SUPT5H: variants seen among roughly 807,000 people sequenced by gnomAD.
The protein encoded by SUPT5H is transcription elongation factor SPT5.
SUPT5H carries 24 observed loss-of-function variants against 142.5 expected under a neutral mutation model. The observed-to-expected ratio is 0.17, with a 90% CI of 0.12 to 0.24. SUPT5H has a LOEUF of 0.24. Ranked by LOEUF, SUPT5H falls within the 10% of genes least tolerant of loss-of-function variation. The pLI is 1.00. For synonymous variants in SUPT5H, 546 were observed against 553.0 expected, an observed-to-expected ratio of 0.99 and a Z score of 0.18; for missense variants, 893 against 1,471.8, an observed-to-expected ratio of 0.61 and a Z score of 6.43.
At position 39,457,746 on chromosome 19, in the gene SUPT5H, T is replaced by C. The variant is rs1452945926; in HGVS notation, c.307+6T>C. 1 of 1,613,972 alleles carries C rather than the reference T, an allele frequency of 6.2e-7. No individual in the cohort carries two copies. Among genetic ancestry groups the C allele is most frequent in the Non-Finnish European group, 8.5e-7 (1 of 1,180,008 alleles). ...AGAGGACATTCTAGAGAAAGGTGTGTGTGAGCCCTGCCTCCACAAGACTAC... is the reference window on the plus strand; with the variant it reads ...AGAGGACATTCTAGAGAAAGGTGTGCGTGAGCCCTGCCTCCACAAGACTAC... On this transcript the variant is annotated splice_donor_region_variant and intron_variant, in intron 4 of 29. Transcript: ENST00000432763.
At chr19:39,475,689 T>A (rs983405519) in intron 28 of SUPT5H, among the ~76,000 whole-genome samples, 3 of 151,964 alleles carry the variant, frequency 2.0e-5, no homozygotes, top group African/African-American at 7.3e-5. Context: ...GCCTCAGAGC[T>A]AGGGGCTTGT....
At position 39,470,587 on chromosome 19, in the gene SUPT5H, C is replaced by T; in HGVS notation, c.1677+64C>T. 2.1e-6 allele frequency: 3 copies of T among 1,451,676 alleles called. No individual in the cohort carries two copies. The highest frequency in any genetic ancestry group is 3.1e-5 in the South Asian group (2 of 65,130). The allele number at this position is 1,451,676 out of a possible 1,614,324, so 89.9% of individuals were successfully genotyped here. ...GGAGGCTTCCTGTCCCTCAACCCCT[C>T]ATCCTGGGAGGTGGCAGAGCCCCCA... On this transcript the variant is annotated intron_variant, in intron 18 of 29. Transcript: ENST00000432763. This position sits in a 1 kb window ranked among gnomAD's most constrained non-coding sequence, Gnocchi z 5.8.
At position 39,469,546 on chromosome 19, in the gene SUPT5H, C is replaced by T; in HGVS notation, c.1374+148C>T. On this transcript the variant is annotated intron_variant, in intron 16 of 29. Transcript: ENST00000432763. This position sits in a 1 kb window ranked among gnomAD's most constrained non-coding sequence, Gnocchi z 5.1. ...CTAGCATTCTCAGGTGCCTGAGAGGCTCTGTCTGAGTGCAGCTCAGGGTCG... is the reference window on the plus strand; with the variant it reads ...CTAGCATTCTCAGGTGCCTGAGAGGTTCTGTCTGAGTGCAGCTCAGGGTCG... 8.4e-7 allele frequency: 1 copy of T among 1,186,694 alleles called. No homozygotes were observed. Among genetic ancestry groups the T allele is most frequent in the Non-Finnish European group, 1.2e-6 (1 of 844,584 alleles). The allele number at this position is 1,186,694 out of a possible 1,614,324, so 73.5% of individuals were successfully genotyped here. A position where few individuals can be genotyped will look rare whatever the true frequency, so the allele number is the denominator to read the frequency against.
rs1487154880 is a variant in SUPT5H at position 39,449,882 on chromosome 19, C to T, written c.76-3474C>T. Among the ~76,000 whole-genome samples, 11 of 151,206 alleles carry T rather than the reference C, an allele frequency of 7.3e-5. No homozygotes were observed. In the South Asian group the frequency reaches 1.0e-3, roughly 14 times the overall value. On this transcript the variant is annotated intron_variant, in intron 2 of 29. Coordinates refer to ENST00000432763, the MANE Select transcript of SUPT5H (RefSeq NM_001111020.3). ...CTCAGAACTCCTGACCTCAAGTGAT[C>T]GCCTACCTCGGCCTCCCAAAGTGCT...
In SUPT5H at chr19:39,472,818, G is replaced by C. The variant is rs143117789; in HGVS notation, c.2044G>C (p.Gly682Arg). 1 of 1,612,756 alleles carries C rather than the reference G, an allele frequency of 6.2e-7. No homozygotes were observed. Among genetic ancestry groups the C allele is most frequent in the Non-Finnish European group, 8.5e-7 (1 of 1,179,310 alleles). Residue 682 changes from glycine (G) to arginine (R), a missense_variant, in exon 22 of 30, where the codon GGC becomes CGC. This residue lies in a region of SUPT5H where 35 missense variants were observed against 29.7 expected (regional missense o/e 1.18). Coordinates refer to ENST00000432763, the MANE Select transcript of SUPT5H (RefSeq NM_001111020.3). The surrounding 1 kb of genome is among the most constrained non-coding windows in gnomAD (Gnocchi z 4.2). Reference sequence around the variant, plus strand: ...TTCTCCCCAATCCCCAGGTCAGCGTGGCGGCTTTGGTAGCCCAGGTGGCGG... The same window carrying C: ...TTCTCCCCAATCCCCAGGTCAGCGTCGCGGCTTTGGTAGCCCAGGTGGCGG... ...PMHPSAGGQR[G>R]GFGSPGGGSG...
intron 28 of SUPT5H, chr19:39,475,351 C>A (rs951953308): frequency 6.7e-6 from 1 of 148,728 alleles, no homozygotes; most frequent in Admixed American, 6.7e-5. Flanking sequence ...GAGCCGAGAT[C>A]GTGCCACTGC....
intron 13 of SUPT5H, chr19:39,467,793 C>G (rs2079262825): frequency 6.6e-6 from 1 of 152,208 alleles, no homozygotes; most frequent in Admixed American, 6.5e-5. Context: ...TTCAGCCAGT[C>G]AGGTTTTCCT....
At position 39,458,253 on chromosome 19, in the gene SUPT5H, CCA is replaced by C; in HGVS notation, c.308-39_308-38del. 1 of 1,482,116 alleles carries C rather than the reference CCA, an allele frequency of 6.7e-7. No homozygotes were observed. Among genetic ancestry groups the C allele is most frequent in the Non-Finnish European group, 9.2e-7 (1 of 1,084,228 alleles). The allele number at this position is 1,482,116 out of a possible 1,614,324, so 91.8% of individuals were successfully genotyped here. A position where few individuals can be genotyped will look rare whatever the true frequency, so the allele number is the denominator to read the frequency against. On this transcript the variant is annotated intron_variant, in intron 4 of 29. Transcript: ENST00000432763. This position sits in a 1 kb window ranked among gnomAD's most constrained non-coding sequence, Gnocchi z 4.2. ...TCGCCCACCACCACCACCACCACCA[CCA>C]CCACCACCACCACCACCACCTCCTC...
rs377555614 is a variant in SUPT5H at position 39,466,542 on chromosome 19, C to T, written c.939C>T (p.Tyr313=). The T allele has an allele frequency of 1.1e-5, 18 of 1,614,054 alleles. No homozygotes were observed. Among genetic ancestry groups the T allele is most frequent in the East Asian group, 4.5e-5 (2 of 44,890 alleles). Residue 313 remains tyrosine (Y), a synonymous_variant, in exon 12 of 30, where the codon TAC becomes TAT. Transcript: ENST00000432763. This position sits in a 1 kb window ranked among gnomAD's most constrained non-coding sequence, Gnocchi z 4.3. Reference sequence around the variant, plus strand: ...TGAAGATGATCCCACGCATCGACTACGATCGCATCAAGGCCCGCATGAGCT... The same window carrying T: ...TGAAGATGATCCCACGCATCGACTATGATCGCATCAAGGCCCGCATGAGCT... The part of the protein sequence containing the change: ...ISLKMIPRID[Y]DRIKARMSLK...
At position 39,459,155 on chromosome 19, in the gene SUPT5H, C is replaced by G. The variant is rs1284883613; in HGVS notation, c.459-29C>G. The G allele has an allele frequency of 1.2e-6, 2 of 1,610,506 alleles. 1 individual carries two copies. The highest frequency in any genetic ancestry group is 3.4e-5 in the Admixed American group (2 of 59,228). On this transcript the variant is annotated intron_variant, in intron 7 of 29. Transcript: ENST00000432763. ...GGGGCGGGGATCTGACAGAGCTTCA[C>G]CCCTTCCTGACTGCCCTCCTCCCTT...
chr19:39,453,424 G>T lies in SUPT5H; in HGVS notation c.144G>T (p.Glu48Asp). The T allele has an allele frequency of 6.3e-7, 1 of 1,583,108 alleles. No homozygotes were observed. ...AAGAGCCTGAGGACGAAGAGGAGGA[G>T]GAAGAGGAGGAGGAATACGATGAGG... is the stretch of plus-strand genomic sequence containing the variant. ...KEEEPEDEEE[E>D]EEEEEYDEEE... is the part of the protein sequence containing the mutation. Residue 48 changes from glutamate to aspartate, a missense_variant, in exon 3 of 30, where the codon GAG becomes GAT. By Grantham distance (45) the Glu-to-Asp change is conservative. Transcript: ENST00000432763.
At chr19:39,446,937 G>A (rs1433794406) in intron 2 of SUPT5H, among the ~76,000 whole-genome samples, 1 of 152,218 alleles carries the variant, frequency 6.6e-6, no homozygotes, top group African/African-American at 2.4e-5. Context: ...GAACCAGGGA[G>A]GTGGAGACTG....
In SUPT5H at chr19:39,474,387, G is replaced by A. The variant is rs758345700; in HGVS notation, c.2805G>A (p.Ser935=). The A allele has an allele frequency of 1.2e-5, 19 of 1,613,800 alleles. No individual in the cohort carries two copies. Among genetic ancestry groups the A allele is most frequent in the African/African-American group, 9.3e-5 (7 of 74,880 alleles). The change falls in exon 27 of 30, where the codon TCG becomes TCA. Residue 935 remains serine (S), a synonymous_variant. Transcript: ENST00000432763. The surrounding 1 kb of genome is among the most constrained non-coding windows in gnomAD (Gnocchi z 6.5). ...HSPASYHPTP[S]PMAYQASPSP... Reference sequence around the variant, plus strand: ...CAGCCAGCTACCACCCTACACCGTCGCCCATGGCCTATCAGGTAATGGTCT... The same window carrying A: ...CAGCCAGCTACCACCCTACACCGTCACCCATGGCCTATCAGGTAATGGTCT...
Position 39,470,496 on chromosome 19 carries a change from C to T in SUPT5H, c.1650C>T (p.Ile550=), listed in dbSNP as rs747736447. 31 of 1,584,848 alleles carry T rather than the reference C, an allele frequency of 2.0e-5. No individual in the cohort carries two copies. The highest frequency in any genetic ancestry group is 5.4e-5 in the African/African-American group (4 of 73,950). The change falls in exon 18 of 30, where the codon ATC becomes ATT. Residue 550 remains isoleucine (I), a synonymous_variant. Coordinates refer to ENST00000432763, the MANE Select transcript of SUPT5H (RefSeq NM_001111020.3). The surrounding 1 kb of genome is among the most constrained non-coding windows in gnomAD (Gnocchi z 5.8). ...VQLDPQTVGV[I]VRLERETFQV... is the part of the protein sequence containing the mutation. ...TGGATCCCCAGACTGTGGGTGTCAT[C>T]GTGCGACTAGAACGGGAGACCTTCC...
At chr19:39,455,287 C>T (rs141604960) in intron 3 of SUPT5H, among the ~76,000 whole-genome samples, 3,199 of 152,086 alleles carry the variant, frequency 0.021, 117 homozygotes, top group African/African-American at 0.074. Flanking sequence ...GGGGGCTGGG[C>T]GTGGTGGCTC....
chr19:39,468,922 G>T, intron 14 of SUPT5H, 61 bp downstream of exon 14: 1 of 1,568,388 alleles, frequency 6.4e-7, no homozygotes, highest in East Asian at 2.2e-5. Flanking sequence ...TGCAGGTGAT[G>T]CCCTGGGCTG....
chr19:39,446,408 C>T (rs2078955105), intron 2 of SUPT5H, among the ~76,000 whole-genome samples: 1 of 152,094 alleles, frequency 6.6e-6, no homozygotes, highest in Admixed American at 6.6e-5. Flanking sequence ...CTGGAAGGTA[C>T]TCTGGAGAAA....
At position 39,453,490 on chromosome 19, in the gene SUPT5H, C is replaced by A; in HGVS notation, c.210C>A (p.Pro70=). The part of the protein sequence containing the change: ...EEDDDRPPKK[P]RHGGFILDEA... ...ATGATGACCGACCCCCCAAGAAACC[C>A]CGCCATGGAGGCTTCATTCTGGACG... is the stretch of plus-strand genomic sequence containing the variant. The change falls in exon 3 of 30, where the codon CCC becomes CCA. Residue 70 remains proline (P), a synonymous_variant. Transcript: ENST00000432763. 3.9e-6 allele frequency: 6 copies of A among 1,549,048 alleles called. No individual in the cohort carries two copies. The highest frequency in any genetic ancestry group is 5.2e-6 in the Non-Finnish European group (6 of 1,145,474).
At position 39,459,936 on chromosome 19, in the gene SUPT5H, C is replaced by T. The variant is rs1284160920; in HGVS notation, c.600C>T (p.Phe200=). 1.2e-6 allele frequency: 2 copies of T among 1,614,110 alleles called. No individual in the cohort carries two copies. Among genetic ancestry groups the T allele is most frequent in the South Asian group, 1.1e-5 (1 of 91,060 alleles). ...CGGCCATTTCCTTGATGCGCAAGTT[C>T]ATTGCCTACCAGTTCACAGACACGG... ...RATAISLMRK[F]IAYQFTDTPL... The change falls in exon 10 of 30, where the codon TTC becomes TTT. Residue 200 remains phenylalanine, a synonymous_variant. Transcript: ENST00000432763.
Sources: allele counts gnomAD v4.1 joint callset (sites outside exome capture counted in the v4.1 genomes callset), GRCh38; gene constraint gnomAD v4.1.1; regional missense constraint gnomAD v4.1.1; non-coding constraint Gnocchi (gnomAD v3.1); transcripts MANE v1.5; gene names NCBI Gene and HGNC (gene_info 2026-07-23, HGNC 2026-07-21).